Variants in PLEKHA4 observed in about 807,000 individuals in gnomAD.
The protein encoded by PLEKHA4 is pleckstrin homology domain-containing family A member 4.
In PLEKHA4, 73 loss-of-function variants were observed where a neutral mutation model predicts 94.7. The ratio of observed to expected loss-of-function variants is 0.77; its 90% CI spans 0.64 to 0.94. PLEKHA4 has a LOEUF of 0.94. Ranked by LOEUF, PLEKHA4 falls within the 40% of genes least tolerant of loss-of-function variation. The probability of loss-of-function intolerance (pLI) is 0.00; values close to 1 mark genes in which losing one functional copy is unlikely to be tolerated. For synonymous variants in PLEKHA4, 449 were observed against 437.1 expected, an observed-to-expected ratio of 1.03 and a Z score of -0.34; for missense variants, 1,049 against 1,054.1, an observed-to-expected ratio of 1.00 and a Z score of 0.07.
In PLEKHA4 at chr19:48,859,522, G is replaced by T; in HGVS notation, c.639C>A (p.Ser213Arg). The change falls in exon 7 of 20, where the codon AGC becomes AGA. Residue 213 changes from serine (S) to arginine (R), a missense_variant. Transcript: ENST00000263265. Reference sequence around the variant, plus strand: ...GTCCAGAGTGGAGGTCGGTTGTGGGGCTGGGAGTGAGCAGCCTGGGTCTAC... The same window carrying T: ...GTCCAGAGTGGAGGTCGGTTGTGGGTCTGGGAGTGAGCAGCCTGGGTCTAC... ...GRGRPRLLTP[S>R]PTTDLHSGLQ... is the part of the protein sequence containing the mutation. 6 of 1,614,010 alleles carry T rather than the reference G, an allele frequency of 3.7e-6. No homozygotes were observed. The highest frequency in any genetic ancestry group is 5.1e-6 in the Non-Finnish European group (6 of 1,180,030).
chr19:48,837,399 C>A lies in PLEKHA4; in HGVS notation c.2230G>T (p.Gly744Cys), dbSNP rs749466462. The A allele has an allele frequency of 6.8e-6, 11 of 1,613,554 alleles. No homozygotes were observed. Among genetic ancestry groups the A allele is most frequent in the African/African-American group, 1.3e-5 (1 of 74,940 alleles). Residue 744 changes from glycine (G) to cysteine (C), a missense_variant, in exon 20 of 20, where the codon GGT becomes TGT. By Grantham distance (159) the Gly-to-Cys change is radical. Transcript: ENST00000263265. The surrounding 1 kb of genome is among the most constrained non-coding windows in gnomAD (Gnocchi z 4.3). ...FSRRGSGRGG[G>C]PTPWGPAWDA... ...CACGCGGGCCCCCAGGGGGTGGGAC[C>A]TCCTCCACGCCCACTCCCTCGGCGA...
intron 3 of PLEKHA4, among the ~76,000 whole-genome samples, chr19:48,865,022 G>GT (rs1367765085): frequency 6.6e-6 from 1 of 152,138 alleles, no homozygotes. Flanking sequence ...TGGGAACACT[G>GT]TAAGTGTTCA....
In PLEKHA4 at chr19:48,867,379, TC is replaced by T. The variant is rs746633197; in HGVS notation, c.84+157del. Among the ~76,000 whole-genome samples, 4 of 152,126 alleles carry T rather than the reference TC, an allele frequency of 2.6e-5. No individual in the cohort carries two copies. Among genetic ancestry groups the T allele is most frequent in the African/African-American group, 4.8e-5 (2 of 41,442 alleles). On this transcript the variant is annotated intron_variant, in intron 2 of 19. Transcript: ENST00000263265. This position sits in a 1 kb window ranked among gnomAD's most constrained non-coding sequence, Gnocchi z 4.7. ...GACAGAGCTGGGAGTGCCTCTGAAT[TC>T]CTAGCTGCGGTGTGTAGGCAATTTG...
At chr19:48,849,366 T>C (rs946774846) in intron 13 of PLEKHA4, among the ~76,000 whole-genome samples, 27 of 152,212 alleles carry the variant, frequency 1.8e-4, no homozygotes, top group African/African-American at 6.5e-4. Context: ...TGGAGTGCAG[T>C]GTCACGATCT....
At position 48,852,253 on chromosome 19, in the gene PLEKHA4, T is replaced by A. The variant is rs1266804192; in HGVS notation, c.1400A>T (p.Tyr467Phe). The change falls in exon 13 of 20, where the codon TAC becomes TTC. Residue 467 changes from tyrosine (Y) to phenylalanine (F), a missense_variant. Transcript: ENST00000263265. ...CTGGGGAGAACCAAGGTGCAGCAGG[T>A]ACTCCAGCGTCTCTCTTAAGGTGCC... is the stretch of plus-strand genomic sequence containing the variant. ...ELGTLRETLE[Y>F]LLHLGSPQDR... The A allele has an allele frequency of 6.2e-7, 1 of 1,613,926 alleles. No individual in the cohort carries two copies. Among genetic ancestry groups the A allele is most frequent in the African/African-American group, 1.3e-5 (1 of 74,880 alleles).
chr19:48,851,507 T>C (rs553865356), intron 13 of PLEKHA4, among the ~76,000 whole-genome samples: 2 of 151,816 alleles, frequency 1.3e-5, no homozygotes, highest in Admixed American at 1.3e-4. Flanking sequence ...TCCCAGTTAC[T>C]CAGGAGGCTG....
chr19:48,843,167 A>ATTATT (rs57630089), intron 16 of PLEKHA4, among the ~76,000 whole-genome samples: 20,851 of 151,170 alleles, frequency 0.14, 1,657 homozygotes, highest in South Asian at 0.23. Flanking sequence ...TTTTTTTTAA[A>ATTATT]TTATTTTATT....
intron 9 of PLEKHA4, 37 bp from the exon 10 acceptor site, chr19:48,854,301 C>G (rs2036320045): frequency 6.3e-7 from 1 of 1,587,766 alleles, no homozygotes; most frequent in African/African-American, 1.3e-5. Context: ...TCAAAGGGGA[C>G]AGGCTGGTCA....
rs558364923 is a variant in PLEKHA4, at chr19:48,856,213, AAG to A, written c.1047+1207_1047+1208del. 2.4e-4 allele frequency among the ~76,000 whole-genome samples: 36 copies of A among 150,156 alleles called. 1 individual carries two copies. In the East Asian group the frequency reaches 6.2e-3, roughly 26 times the overall value. On this transcript the variant is annotated intron_variant, in intron 9 of 19. Coordinates refer to ENST00000263265, the MANE Select transcript of PLEKHA4 (RefSeq NM_020904.3). ...AAGGAAGGAAAGAAGGAAAGAAAGA[AAG>A]AGAGAGAAAAAGGAAAGGAAAGGAA...
At chr19:48,855,816 A>T (rs899962814) in intron 9 of PLEKHA4, among the ~76,000 whole-genome samples, 2 of 150,036 alleles carry the variant, frequency 1.3e-5, no homozygotes, top group African/African-American at 2.5e-5. Context: ...TTTTTAATTT[A>T]AAAAAAAACA....
chr19:48,867,520 C>T lies in PLEKHA4; in HGVS notation c.84+17G>A, dbSNP rs572172311. ...AGAGCCCCACCTTCCTCCCCATCCC[C>T]GCCAGGAAGCTCAAACCTTGGGGCT... On this transcript the variant is annotated intron_variant, in intron 2 of 19. Coordinates refer to ENST00000263265, the MANE Select transcript of PLEKHA4 (RefSeq NM_020904.3). The surrounding 1 kb of genome is among the most constrained non-coding windows in gnomAD (Gnocchi z 4.7). The T allele has an allele frequency of 4.4e-6, 7 of 1,582,466 alleles. No homozygotes were observed. Among genetic ancestry groups the T allele is most frequent in the South Asian group, 3.5e-5 (3 of 86,176 alleles).
chr19:48,861,938 TAAC>T (rs1166174245), intron 3 of PLEKHA4, among the ~76,000 whole-genome samples: 1 of 150,838 alleles, frequency 6.6e-6, no homozygotes, highest in Non-Finnish European at 1.5e-5. Flanking sequence ...CCAGCTTGGG[TAAC>T]ATGGCGAAAC....
intron 9 of PLEKHA4, among the ~76,000 whole-genome samples, chr19:48,855,200 C>T (rs779631875): frequency 2.6e-5 from 4 of 151,824 alleles, no homozygotes; most frequent in Admixed American, 6.6e-5. Context: ...TGACTCACTC[C>T]TGTAATCCCA....
chr19:48,847,314 C>A (rs2036003078), intron 14 of PLEKHA4, among the ~76,000 whole-genome samples: 1 of 152,004 alleles, frequency 6.6e-6, no homozygotes, highest in African/African-American at 2.4e-5. Flanking sequence ...CACGAGCCTG[C>A]GGTCCCAGCT....
At chr19:48,862,310 C>T (rs1469075925) in intron 3 of PLEKHA4, among the ~76,000 whole-genome samples, 9 of 149,928 alleles carry the variant, frequency 6.0e-5, no homozygotes, top group African/African-American at 1.2e-4. Context: ...AAATGATTCT[C>T]CTGCCTCAGC....
intron 9 of PLEKHA4, among the ~76,000 whole-genome samples, chr19:48,854,512 G>A (rs190711852): frequency 3.3e-5 from 5 of 151,988 alleles, no homozygotes; most frequent in African/African-American, 1.2e-4. Flanking sequence ...GGGACCACAG[G>A]CGCACACATC....
chr19:48,845,671 T>A, intron 14 of PLEKHA4, 55 bp from the exon 15 acceptor site: 1 of 1,315,996 alleles, frequency 7.6e-7, no homozygotes, highest in Non-Finnish European at 1.0e-6. Flanking sequence ...TTATTATTAT[T>A]ACCATGTTGC....
intron 9 of PLEKHA4, among the ~76,000 whole-genome samples, chr19:48,857,031 G>T (rs1468134863): frequency 6.6e-6 from 1 of 151,910 alleles, no homozygotes; most frequent in East Asian, 1.9e-4. Context: ...GGAGGAGATG[G>T]ACAGCAACAA....
intron 12 of PLEKHA4, among the ~76,000 whole-genome samples, chr19:48,852,707 C>T (rs188480671): frequency 1.4e-4 from 21 of 152,094 alleles, no homozygotes; most frequent in South Asian, 4.2e-4. Context: ...CCAAGGCGGG[C>T]GGATCACTTG....
Sources: gnomAD v4.1 joint callset for allele counts (sites outside exome capture counted in the v4.1 genomes callset) on GRCh38, gnomAD v4.1.1 for gene constraint, Gnocchi (gnomAD v3.1) non-coding constraint, MANE v1.5 for transcripts, NCBI Gene and HGNC (gene_info 2026-07-23, HGNC 2026-07-21) for gene names.